Variants in PPFIA4 observed in about 807,000 individuals in gnomAD.
The protein encoded by PPFIA4 is liprin-alpha-4.
PPFIA4 carries 98 observed loss-of-function variants against 145.7 expected under a neutral mutation model. The ratio of observed to expected loss-of-function variants is 0.67; its 90% CI spans 0.57 to 0.80. The LOEUF (loss-of-function observed/expected upper bound fraction) is 0.80, where lower values mean the gene tolerates loss of function less well. Ranked by LOEUF, PPFIA4 falls within the 30% of genes least tolerant of loss-of-function variation. The pLI is 0.00. For synonymous variants in PPFIA4, 628 were observed against 649.6 expected (o/e 0.97, Z 0.51); for missense variants, 1,457 against 1,632.7 (o/e 0.89, Z 1.85).
chr1:203,056,773 T>C lies in PPFIA4; in HGVS notation c.2241-11T>C. The C allele has an allele frequency of 4.4e-6, 7 of 1,590,096 alleles. No individual in the cohort carries two copies. The highest frequency in any genetic ancestry group is 5.2e-6 in the Non-Finnish European group (6 of 1,163,772). On this transcript the variant is annotated splice_polypyrimidine_tract_variant and intron_variant, in intron 18 of 29. Transcript: ENST00000295706. ...TTCTTATTCCGCCCCCTTCTGGCTG[T>C]CACCCTGTAGTGCCTTGGAGGATCA...
chr1:203,063,907 G>A lies in PPFIA4; in HGVS notation c.2954G>A (p.Ser985Asn). 1.2e-6 allele frequency: 2 copies of A among 1,614,066 alleles called. No individual in the cohort carries two copies. Among genetic ancestry groups the A allele is most frequent in the Non-Finnish European group, 1.7e-6 (2 of 1,179,898 alleles). ...LPSLGLPQYR[S>N]YFMECLVDAR... The stretch of plus-strand genomic sequence containing the variant: ...AGCCTGGGGCTCCCGCAGTACCGCA[G>A]CTACTTCATGGAGTGCCTGGTGGAC... Residue 985 changes from serine to asparagine, a missense_variant, in exon 25 of 30, where the codon AGC becomes AAC. Transcript: ENST00000295706.
intron 17 of PPFIA4, 45 bp from the exon 18 acceptor site, chr1:203,056,330 C>G (rs746656216): frequency 3.1e-6 from 5 of 1,606,786 alleles, no homozygotes; most frequent in Non-Finnish European, 3.4e-6. Flanking sequence ...TAGGCAGGCC[C>G]GAGATCTCTC....
At chr1:203,049,642 CA>C in intron 12 of PPFIA4, 33 bp from the exon 13 acceptor site, 1 of 1,446,674 alleles carries the variant, frequency 6.9e-7, no homozygotes, top group African/African-American at 1.6e-5. Flanking sequence ...CCCTGGCCCC[CA>C]CTCCCGCCCC....
At position 203,051,873 on chromosome 1, in the gene PPFIA4, C is replaced by T. The variant is rs1214207669; in HGVS notation, c.1616C>T (p.Ala539Val). 3 of 1,613,242 alleles carry T rather than the reference C, an allele frequency of 1.9e-6. No individual in the cohort carries two copies. The highest frequency in any genetic ancestry group is 2.5e-6 in the Non-Finnish European group (3 of 1,179,602). Residue 539 changes from alanine to valine, a missense_variant, in exon 14 of 30, where the codon GCC becomes GTC. Ala to Val is a moderately conservative substitution (Grantham distance 64). Transcript: ENST00000295706. Reference protein sequence around the residue: ...RRYSALREESAKDWETSPLPG... With the variant: ...RRYSALREESVKDWETSPLPG... ...TACTCGGCATTGAGGGAAGAGTCTGCCAAGGTGAGGGGGTGGAGGGATCTC... is the reference window on the plus strand; with the variant it reads ...TACTCGGCATTGAGGGAAGAGTCTGTCAAGGTGAGGGGGTGGAGGGATCTC...
At chr1:203,046,168 C>T in intron 8 of PPFIA4, 80 bp from the exon 9 acceptor site, 1 of 1,520,494 alleles carries the variant, frequency 6.6e-7, no homozygotes, top group South Asian at 1.2e-5. Flanking sequence ...GACCTGTCAT[C>T]TGCTCTCTGC....
chr1:203,032,607 AT>A (rs144372683), intron 1 of PPFIA4, among the ~76,000 whole-genome samples: 13,117 of 120,980 alleles, frequency 0.11, 829 homozygotes, highest in East Asian at 0.3. Context: ...CCCAGCTAAC[AT>A]TTTTTTTTTT....
rs144661494 is a variant in PPFIA4, at chr1:203,055,621, C to T, written c.2019C>T (p.Leu673=). The change falls in exon 16 of 30, where the codon CTC becomes CTT. Residue 673 remains leucine (L), a synonymous_variant. Transcript: ENST00000295706. This position sits in a 1 kb window ranked among gnomAD's most constrained non-coding sequence, Gnocchi z 4.8. ...TCAGCGGCCGCTCCACACCTAAGCTCACCTCCCGCAGTGCTGCCCAGGACC... is the reference window on the plus strand; with the variant it reads ...TCAGCGGCCGCTCCACACCTAAGCTTACCTCCCGCAGTGCTGCCCAGGACC... ...PPLSGRSTPK[L]TSRSAAQDLD... The T allele has an allele frequency of 5.4e-4, 875 of 1,614,036 alleles. 4 individuals carry two copies. In the African/African-American group the frequency reaches 0.011, roughly 20 times the overall value.
rs887843773 is a variant in PPFIA4 at position 203,046,020 on chromosome 1, T to A, written c.1005+33T>A. 3.7e-6 allele frequency: 6 copies of A among 1,611,448 alleles called. No homozygotes were observed. The African/African-American group carries it at 8.0e-5, about 22-fold the overall frequency. The stretch of plus-strand genomic sequence containing the variant: ...CTCAGGGTGGGGTGGGGATGGGCAT[T>A]GTACTTAGCCCTGGAGGTGTCCTCG... On this transcript the variant is annotated intron_variant, in intron 8 of 29. Coordinates refer to ENST00000295706, the MANE Select transcript of PPFIA4 (RefSeq NM_001304331.2).
In PPFIA4 at chr1:203,068,574, C is replaced by T. The variant is rs1333216933; in HGVS notation, c.3270C>T (p.Asn1090=). The stretch of plus-strand genomic sequence containing the variant: ...GAGCCTTGCTGGCCCTGGACGAGAA[C>T]TTCGACCACAACACACTGGCCCTGA... The part of the protein sequence containing the change: ...VHGALLALDE[N]FDHNTLALIL... Residue 1090 remains asparagine (N), a synonymous_variant, in exon 27 of 30, where the codon AAC becomes AAT. Coordinates refer to ENST00000295706, the MANE Select transcript of PPFIA4 (RefSeq NM_001304331.2). This position sits in a 1 kb window ranked among gnomAD's most constrained non-coding sequence, Gnocchi z 4.7. 6.3e-7 allele frequency: 1 copy of T among 1,596,988 alleles called. No homozygotes were observed. Among genetic ancestry groups the T allele is most frequent in the Non-Finnish European group, 8.5e-7 (1 of 1,172,240 alleles).
chr1:203,043,353 T>C lies in PPFIA4; in HGVS notation c.235-44T>C. The C allele has an allele frequency of 6.5e-7, 1 of 1,533,670 alleles. No homozygotes were observed. The highest frequency in any genetic ancestry group is 8.9e-7 in the Non-Finnish European group (1 of 1,123,494). On this transcript the variant is annotated intron_variant, in intron 2 of 29. Coordinates refer to ENST00000295706, the MANE Select transcript of PPFIA4 (RefSeq NM_001304331.2). The surrounding 1 kb of genome is among the most constrained non-coding windows in gnomAD (Gnocchi z 4.4). ...GACTTGCATGTGCAGGACACTGCTT[T>C]GGGGGTGAATCCTGAAGCACTGAGG...
chr1:203,058,615 A>G (rs1661141367), intron 19 of PPFIA4, among the ~76,000 whole-genome samples: 2 of 152,218 alleles, frequency 1.3e-5, no homozygotes, highest in Non-Finnish European at 2.9e-5. Context: ...ACTTAAAAGA[A>G]TTCTAAGATT....
Position 203,043,480 on chromosome 1 carries a change from A to G in PPFIA4, c.318A>G (p.Ala106=), listed in dbSNP as rs1659842263. The change falls in exon 3 of 30, where the codon GCA becomes GCG. Residue 106 remains alanine (A), a synonymous_variant. Coordinates refer to ENST00000295706, the MANE Select transcript of PPFIA4 (RefSeq NM_001304331.2). This position sits in a 1 kb window ranked among gnomAD's most constrained non-coding sequence, Gnocchi z 4.4. ...AGGAAGAGATATCAGAACTGAAAGCAGAACGGAATAACACACGGGTAAGTG... is the reference window on the plus strand; with the variant it reads ...AGGAAGAGATATCAGAACTGAAAGCGGAACGGAATAACACACGGGTAAGTG... ...EREEEISELK[A]ERNNTRLLLE... 6.2e-7 allele frequency: 1 copy of G among 1,609,806 alleles called. No homozygotes were observed. Among genetic ancestry groups the G allele is most frequent in the African/African-American group, 1.3e-5 (1 of 75,008 alleles).
chr1:203,053,580 T>G, intron 14 of PPFIA4, 173 bp from the exon 15 acceptor site: 1 of 609,552 alleles, frequency 1.6e-6, no homozygotes, highest in Non-Finnish European at 2.9e-6. Context: ...CACCCAGGGG[T>G]CTTGTTAAAA....
At chr1:203,034,982 C>T (rs1659123207) in intron 1 of PPFIA4, among the ~76,000 whole-genome samples, 1 of 152,224 alleles carries the variant, frequency 6.6e-6, no homozygotes, top group African/African-American at 2.4e-5. Context: ...TTACATCTTC[C>T]TTGCAAATAA....
In PPFIA4 at chr1:203,055,505, A is replaced by G. The variant is rs1660872114; in HGVS notation, c.1903A>G (p.Met635Val). ...EIETRVTSGS[M>V]EALNLKQLRK... ...TGAGACGCGTGTAACCAGTGGCAGC[A>G]TGGAAGCCCTAAACCTGAAGCAGCT... Residue 635 changes from methionine to valine, a missense_variant, in exon 16 of 30, where the codon ATG becomes GTG. By Grantham distance (21) the Met-to-Val change is conservative. This residue lies in a region of PPFIA4 where 848 missense variants were observed against 1,046.7 expected (regional missense o/e 0.81). Coordinates refer to ENST00000295706, the MANE Select transcript of PPFIA4 (RefSeq NM_001304331.2). The surrounding 1 kb of genome is among the most constrained non-coding windows in gnomAD (Gnocchi z 4.8). 1.2e-6 allele frequency: 2 copies of G among 1,614,016 alleles called. No individual in the cohort carries two copies. Among genetic ancestry groups the G allele is most frequent in the South Asian group, 1.1e-5 (1 of 91,092 alleles).
chr1:203,030,130 C>T (rs1056880493), intron 1 of PPFIA4, among the ~76,000 whole-genome samples: 3 of 152,114 alleles, frequency 2.0e-5, no homozygotes, highest in Non-Finnish European at 4.4e-5. Flanking sequence ...TTCCTTAGAA[C>T]GATGAAGCCT....
chr1:203,076,270 C>T (rs1379735028), intron 29 of PPFIA4, 71 bp from the exon 30 acceptor site: 7 of 1,513,436 alleles, frequency 4.6e-6, no homozygotes, highest in East Asian at 2.3e-5. Context: ...TCGCACACAT[C>T]CTACAACCTC....
intron 26 of PPFIA4, 55 bp downstream of exon 26, chr1:203,067,847 G>A: frequency 1.3e-6 from 2 of 1,513,870 alleles, no homozygotes; most frequent in Non-Finnish European, 1.8e-6. Context: ...GCTGGTCCCT[G>A]CCTTGGGCCA....
rs1203033886 is a variant in PPFIA4, at chr1:203,061,026, T to G, written c.2841T>G (p.Thr947=). Residue 947 remains threonine, a synonymous_variant, in exon 23 of 30, where the codon ACT becomes ACG. Coordinates refer to ENST00000295706, the MANE Select transcript of PPFIA4 (RefSeq NM_001304331.2). ...AGATGGAAACTCTGGAAACATCTAC[T>G]AAAACAGTGAGTCTGGCCCTTGGCC... ...HEEMETLETS[T]KTDSEEGSWA... The G allele has an allele frequency of 1.2e-6, 2 of 1,613,970 alleles. No individual in the cohort carries two copies. Among genetic ancestry groups the G allele is most frequent in the Non-Finnish European group, 1.7e-6 (2 of 1,179,836 alleles).
Sources: allele counts gnomAD v4.1 joint callset (sites outside exome capture counted in the v4.1 genomes callset), GRCh38; gene constraint gnomAD v4.1.1; regional missense constraint gnomAD v4.1.1; non-coding constraint Gnocchi (gnomAD v3.1); transcripts MANE v1.5; gene names NCBI Gene and HGNC (gene_info 2026-07-23, HGNC 2026-07-21).